TNRC6C: variants seen among roughly 807,000 people sequenced by gnomAD.
TNRC6C encodes the protein trinucleotide repeat containing adaptor 6C.
TNRC6C carries 20 observed loss-of-function variants against 153.7 expected under a neutral mutation model. The observed-to-expected ratio is 0.13, with a 90% CI of 0.09 to 0.19. The LOEUF (loss-of-function observed/expected upper bound fraction) is 0.19, where lower values mean the gene tolerates loss of function less well. TNRC6C is among the 10% of genes least tolerant of loss of function. TNRC6C has a pLI of 1.00. For synonymous variants in TNRC6C, 811 were observed against 841.4 expected, an observed-to-expected ratio of 0.96 and a Z score of 0.63; for missense variants, 1,987 against 2,172.0, an observed-to-expected ratio of 0.91 and a Z score of 1.69.
At chr17:78,069,537 C>G (rs1446358133) in intron 5 of TNRC6C, among the ~76,000 whole-genome samples, 1 of 152,200 alleles carries the variant, frequency 6.6e-6, no homozygotes, top group Non-Finnish European at 1.5e-5. Context: ...GTGCATGCCA[C>G]TCTGCCCAAC....
chr17:77,967,407 G>A (rs540077697), intron 1 of TNRC6C, among the ~76,000 whole-genome samples: 1 of 152,130 alleles, frequency 6.6e-6, no homozygotes, highest in African/African-American at 2.4e-5. Context: ...CATGCGGGGG[G>A]GGAGAGAAGA....
chr17:78,021,375 C>T (rs1032085828), intron 1 of TNRC6C, among the ~76,000 whole-genome samples: 1 of 152,322 alleles, frequency 6.6e-6, no homozygotes, highest in Non-Finnish European at 1.5e-5. Context: ...TGCTTGTGCT[C>T]GTTCACTGGT....
chr17:78,106,035 T>A (rs2073687216), exon 20 of TNRC6C: 1 of 150,424 alleles, frequency 6.6e-6, no homozygotes. Context: ...ATTTTTCCAT[T>A]TGGAATATAA....
intron 2 of TNRC6C, among the ~76,000 whole-genome samples, chr17:78,034,079 G>A (rs1407265008): frequency 6.6e-6 from 1 of 151,460 alleles, no homozygotes; most frequent in East Asian, 1.9e-4. Flanking sequence ...TTGAGACTGA[G>A]TTTCTCTCTT....
At chr17:78,066,416 A>G (rs574681301) in intron 4 of TNRC6C, 1 of 152,164 alleles carries the variant, frequency 6.6e-6, no homozygotes, top group East Asian at 1.9e-4. Flanking sequence ...CACTCTGCTC[A>G]AAGTATTCCA....
chr17:78,072,830 T>C (rs1045963666), intron 6 of TNRC6C, among the ~76,000 whole-genome samples: 1 of 152,238 alleles, frequency 6.6e-6, no homozygotes, highest in African/African-American at 2.4e-5. Context: ...ATACAAGGGC[T>C]TTACTTTGAA....
At position 78,075,210 on chromosome 17, in the gene TNRC6C, A is replaced by G; in HGVS notation, c.2992A>G (p.Lys998Glu). 6.3e-7 allele frequency: 1 copy of G among 1,598,894 alleles called. No homozygotes were observed. Among genetic ancestry groups the G allele is most frequent in the Non-Finnish European group, 8.5e-7 (1 of 1,173,378 alleles). ...GACCGACCATAATGGAATGGCCGCC[A>G]AGCCCCTCGGCTGCCGCCCGCCAAT... Residue 998 changes from lysine (K) to glutamate (E), a missense_variant, in exon 8 of 20, where the codon AAG (lysine) becomes GAG (glutamate). Lys to Glu is a moderately conservative substitution (Grantham distance 56). Coordinates refer to ENST00000301624, the Ensembl canonical transcript of TNRC6C. This position sits in a 1 kb window ranked among gnomAD's most constrained non-coding sequence, Gnocchi z 4.2.
chr17:78,086,406 C>G (rs79160285), intron 11 of TNRC6C, 97 bp from the exon 14 acceptor site: 45 of 737,658 alleles, frequency 6.1e-5, no homozygotes, highest in East Asian at 2.7e-4. Context: ...TGGCTAGGTT[C>G]TCTTTTTTTA....
intron 1 of TNRC6C, among the ~76,000 whole-genome samples, chr17:78,007,614 C>T (rs1010468020): frequency 1.3e-5 from 2 of 152,196 alleles, no homozygotes; most frequent in African/African-American, 2.4e-5. Flanking sequence ...TCTATGAGGG[C>T]AGGGGCCACA....
intron 17 of TNRC6C, among the ~76,000 whole-genome samples, chr17:78,101,547 A>G (rs2073594519): frequency 1.3e-5 from 2 of 152,186 alleles, no homozygotes; most frequent in African/African-American, 4.8e-5. Flanking sequence ...ACACACACAC[A>G]GAAATAGAGC....
rs141495844 is a variant in TNRC6C at position 78,051,877 on chromosome 17, C to T, written c.2395+420C>T. On this transcript the variant is annotated intron_variant, in intron 3 of 19. Transcript: ENST00000301624. Reference sequence around the variant, plus strand: ...CAGTTCACTGACATGCCCATGAGCACAGCAGGAGGCACAGAGCTCCAAGTG... The same window carrying T: ...CAGTTCACTGACATGCCCATGAGCATAGCAGGAGGCACAGAGCTCCAAGTG... 3.9e-5 allele frequency among the ~76,000 whole-genome samples: 6 copies of T among 152,300 alleles called. No individual in the cohort carries two copies. The East Asian group carries it at 1.2e-3, about 29-fold the overall frequency.
At chr17:77,963,011 A>C (rs952218530) in intron 1 of TNRC6C, among the ~76,000 whole-genome samples, 2 of 152,332 alleles carry the variant, frequency 1.3e-5, no homozygotes, top group South Asian at 4.1e-4. Context: ...TCTTGCTTTT[A>C]CTCAGTCTAT....
In TNRC6C at chr17:78,022,842, A is replaced by T. The variant is rs2071860775; in HGVS notation, c.-545-8674A>T. On this transcript the variant is annotated intron_variant, in intron 1 of 19. Coordinates refer to ENST00000301624, the Ensembl canonical transcript of TNRC6C. ...GTCAATCAAAAATATTTGAAATATA[A>T]ATGGACAGTTGCATCTGTACTGATG... Among the ~76,000 whole-genome samples, 3 of 152,252 alleles carry T rather than the reference A, an allele frequency of 2.0e-5. No homozygotes were observed. The South Asian group carries it at 6.2e-4, about 31-fold the overall frequency.
intron 2 of TNRC6C, among the ~76,000 whole-genome samples, chr17:78,032,246 C>T (rs2072090897): frequency 6.6e-6 from 1 of 152,234 alleles, no homozygotes; most frequent in Non-Finnish European, 1.5e-5. Flanking sequence ...GATCCTTCCA[C>T]TAGGCGTTTC....
intron 1 of TNRC6C, among the ~76,000 whole-genome samples, chr17:77,995,020 C>T (rs147885344): frequency 6.6e-6 from 1 of 152,300 alleles, no homozygotes; most frequent in Non-Finnish European, 1.5e-5. Flanking sequence ...AGAAACCATA[C>T]AGTTATGTGA....
chr17:77,978,558 A>C (rs2071033288), intron 1 of TNRC6C, among the ~76,000 whole-genome samples: 1 of 152,190 alleles, frequency 6.6e-6, no homozygotes, highest in Admixed American at 6.5e-5. Flanking sequence ...AGGGAGGTCT[A>C]AAGAGGCAGA....
Position 78,075,074 on chromosome 17 carries a change from T to C in TNRC6C, c.2918-62T>C. On this transcript the variant is annotated intron_variant, in intron 7 of 19. Transcript: ENST00000301624. The surrounding 1 kb of genome is among the most constrained non-coding windows in gnomAD (Gnocchi z 4.2). ...CCTCCTTGAGGCCTTAGCTGGTGCC[T>C]ATCTTGTGCTCAGCACTCACTTGTT... The C allele has an allele frequency of 6.3e-7, 1 of 1,578,594 alleles. No homozygotes were observed. The highest frequency in any genetic ancestry group is 8.6e-7 in the Non-Finnish European group (1 of 1,159,306).
exon 4 of TNRC6C, chr17:78,064,821 C>G (rs1268302441): frequency 6.2e-7 from 1 of 1,613,856 alleles, no homozygotes; most frequent in Non-Finnish European, 8.5e-7. Flanking sequence ...AATGGCACAG[C>G]AGCATGGGGG....
intron 11 of TNRC6C, among the ~76,000 whole-genome samples, chr17:78,086,185 C>A (rs2144492861): frequency 6.6e-6 from 1 of 152,014 alleles, no homozygotes; most frequent in Middle Eastern, 3.4e-3. Context: ...CAAAAATTAG[C>A]TGGGCGTGGT....
Sources: allele counts gnomAD v4.1 joint callset (sites outside exome capture counted in the v4.1 genomes callset), GRCh38; gene constraint gnomAD v4.1.1; non-coding constraint Gnocchi (gnomAD v3.1); transcripts MANE v1.5; gene names NCBI Gene and HGNC (gene_info 2026-07-23, HGNC 2026-07-21).